The following ERBB4 variants were observed in gnomAD, a reference collection of about 807,000 sequenced individuals.
ERBB4 encodes receptor tyrosine-protein kinase erbB-4.
In ERBB4, 42 loss-of-function variants were observed where a neutral mutation model predicts 158.0. The observed-to-expected ratio is 0.27, with a 90% CI of 0.21 to 0.34. ERBB4 has a LOEUF of 0.34. ERBB4 is among the 10% of genes least tolerant of loss of function. ERBB4 has a pLI of 1.00. For synonymous variants in ERBB4, 583 were observed against 558.7 expected, an observed-to-expected ratio of 1.04 and a Z score of -0.61; for missense variants, 1,333 against 1,624.1, an observed-to-expected ratio of 0.82 and a Z score of 3.08.
At chr2:212,369,545 T>C (rs190324262) in intron 1 of ERBB4, among the ~76,000 whole-genome samples, 41 of 152,330 alleles carry the variant, frequency 2.7e-4, no homozygotes, top group African/African-American at 9.9e-4. Flanking sequence ...TCTTTTTTAA[T>C]TTTAAATTTT....
At chr2:212,193,352 A>G (rs1173476716) in intron 1 of ERBB4, among the ~76,000 whole-genome samples, 1 of 152,126 alleles carries the variant, frequency 6.6e-6, no homozygotes, top group Non-Finnish European at 1.5e-5. Flanking sequence ...ATTTGGGGAA[A>G]TGCACATAAA....
intron 1 of ERBB4, among the ~76,000 whole-genome samples, chr2:212,170,535 T>C (rs1402950743): frequency 6.6e-6 from 1 of 152,060 alleles, no homozygotes; most frequent in Non-Finnish European, 1.5e-5. Flanking sequence ...ATTTCAGAGA[T>C]GTTGGTGGCA....
intron 1 of ERBB4, among the ~76,000 whole-genome samples, chr2:212,330,485 C>T (rs533656865): frequency 2.6e-5 from 4 of 151,856 alleles, no homozygotes; most frequent in East Asian, 3.9e-4. Context: ...GGCATGGTGG[C>T]GGGTGCTTGT....
chr2:211,424,058 T>C, intron 23 of ERBB4, 97 bp downstream of exon 23: 1 of 1,245,232 alleles, frequency 8.0e-7, no homozygotes, highest in East Asian at 2.3e-5. Context: ...TGAACTGTCG[T>C]ATTTTTCAAT....
At chr2:211,431,185 T>C in intron 20 of ERBB4, 85 bp from the exon 21 acceptor site, 8 of 1,243,862 alleles carry the variant, frequency 6.4e-6, no homozygotes, top group Non-Finnish European at 8.1e-6. Context: ...TAGCCTTCAG[T>C]TGGAAGTGCC....
intron 1 of ERBB4, among the ~76,000 whole-genome samples, chr2:212,198,920 A>T (rs1191453219): frequency 6.6e-6 from 1 of 151,944 alleles, no homozygotes; most frequent in East Asian, 1.9e-4. Context: ...GTTGATGTTT[A>T]TTGGGATTGT....
chr2:212,275,510 T>G (rs1475561566), intron 1 of ERBB4, among the ~76,000 whole-genome samples: 5 of 151,902 alleles, frequency 3.3e-5, no homozygotes, highest in Non-Finnish European at 7.4e-5. Context: ...GATTTGCATT[T>G]CTCTAATGGC....
At chr2:211,465,311 G>A (rs748962486) in intron 20 of ERBB4, among the ~76,000 whole-genome samples, 5 of 150,522 alleles carry the variant, frequency 3.3e-5, no homozygotes, top group Non-Finnish European at 7.5e-5. Flanking sequence ...TGGAACAGAA[G>A]CACCTCCCAG....
At chr2:212,363,625 T>G (rs961738824) in intron 1 of ERBB4, among the ~76,000 whole-genome samples, 1 of 151,282 alleles carries the variant, frequency 6.6e-6, no homozygotes, top group African/African-American at 2.4e-5. Flanking sequence ...CAAATACACC[T>G]AAGGCACCTG....
chr2:212,103,454 T>C (rs2125522789), intron 2 of ERBB4, among the ~76,000 whole-genome samples: 1 of 152,244 alleles, frequency 6.6e-6, no homozygotes, highest in Non-Finnish European at 1.5e-5. Flanking sequence ...TTTTTAAAAA[T>C]GCAATTGATA....
intron 4 of ERBB4, among the ~76,000 whole-genome samples, chr2:211,755,933 T>G (rs2075278243): frequency 6.6e-6 from 1 of 152,262 alleles, no homozygotes; most frequent in Non-Finnish European, 1.5e-5. Flanking sequence ...GTTACATCCC[T>G]GGATTTTTCT....
intron 25 of ERBB4, among the ~76,000 whole-genome samples, chr2:211,419,008 AG>A (rs2063456211): frequency 6.6e-6 from 1 of 152,104 alleles, no homozygotes; most frequent in Non-Finnish European, 1.5e-5. Flanking sequence ...TTCTAAATGG[AG>A]GTAGATGAGT....
rs1227962419 is a variant in ERBB4, at chr2:211,390,082, A to G, written c.3136-2090T>C. On this transcript the variant is annotated intron_variant, in intron 25 of 27. Transcript: ENST00000342788. The stretch of plus-strand genomic sequence containing the variant: ...TATTTTTTATACTCCAGTGATTTGT[A>G]ATATAGAGTGATAGTACAGGAAATA... Among the ~76,000 whole-genome samples, 6 of 152,326 alleles carry G rather than the reference A, an allele frequency of 3.9e-5. No individual in the cohort carries two copies. The East Asian group carries it at 1.2e-3, about 29-fold the overall frequency.
chr2:211,652,203 T>A (rs1250341948), intron 16 of ERBB4, among the ~76,000 whole-genome samples: 1 of 152,198 alleles, frequency 6.6e-6, no homozygotes, highest in Non-Finnish European at 1.5e-5. Context: ...AATTCTGTGA[T>A]AACCTTGGTA....
intron 2 of ERBB4, among the ~76,000 whole-genome samples, chr2:212,021,668 A>C (rs1042704994): frequency 1.3e-5 from 2 of 152,176 alleles, no homozygotes; most frequent in African/African-American, 4.8e-5. Flanking sequence ...ACAGGCAAAG[A>C]TTTTATCATG....
intron 4 of ERBB4, among the ~76,000 whole-genome samples, chr2:211,751,196 G>A (rs1188616584): frequency 6.6e-6 from 1 of 152,058 alleles, no homozygotes; most frequent in African/African-American, 2.4e-5. Context: ...GTAAAATCAT[G>A]CATTTAAGCT....
At chr2:212,222,787 G>T (rs575965829) in intron 1 of ERBB4, among the ~76,000 whole-genome samples, 7 of 151,480 alleles carry the variant, frequency 4.6e-5, no homozygotes, top group Admixed American at 2.6e-4. Flanking sequence ...ATTTTGGGGG[G>T]TTGTTACGTG....
intron 5 of ERBB4, among the ~76,000 whole-genome samples, chr2:211,732,215 T>A (rs183823905): frequency 6.6e-6 from 1 of 152,318 alleles, no homozygotes; most frequent in Non-Finnish European, 1.5e-5. Flanking sequence ...TCAAAAATTG[T>A]TGCCTCACAG....
intron 1 of ERBB4, among the ~76,000 whole-genome samples, chr2:212,421,172 A>G (rs1306285153): frequency 2.0e-5 from 3 of 152,152 alleles, no homozygotes; most frequent in Non-Finnish European, 4.4e-5. Context: ...TTATGGGTCA[A>G]TATATTTTTA....
Sources: allele counts gnomAD v4.1 joint callset (sites outside exome capture counted in the v4.1 genomes callset), GRCh38; gene constraint gnomAD v4.1.1; transcripts MANE v1.5; gene names NCBI Gene and HGNC (gene_info 2026-07-23, HGNC 2026-07-21).